The following MCOLN2 variants were observed in gnomAD, a reference collection of about 807,000 sequenced individuals.
MCOLN2 encodes the protein mucolipin-2.
Under a neutral mutation model 67.5 loss-of-function variants are expected in MCOLN2, and 57 were observed. That is an observed-to-expected ratio of 0.84 (90% CI 0.68 to 1.05). The LOEUF (loss-of-function observed/expected upper bound fraction) is 1.05, where lower values mean the gene tolerates loss of function less well. MCOLN2 is among the 50% of genes least tolerant of loss of function. MCOLN2 has a pLI of 0.00. For missense variants in MCOLN2, 620 were observed against 678.8 expected (o/e 0.91, Z 0.96); for synonymous variants, 246 against 233.3 (o/e 1.05, Z -0.50).
chr1:84,934,135 T>C (rs561149817), intron 11 of MCOLN2, among the ~76,000 whole-genome samples: 34 of 152,326 alleles, frequency 2.2e-4, no homozygotes, highest in African/African-American at 7.9e-4. Flanking sequence ...TACTACTCTC[T>C]CTCTGCTTCT....
intron 12 of MCOLN2, chr1:84,929,905 C>G: frequency 3.1e-6 from 1 of 318,304 alleles, no homozygotes; most frequent in South Asian, 8.4e-5. Flanking sequence ...AGAAAGAAAG[C>G]AGAGAAGAGC....
Position 84,970,918 on chromosome 1 carries a change from T to G in MCOLN2, c.78-5210A>C, listed in dbSNP as rs147939870. Reference sequence around the variant, plus strand: ...CTGGGTTCCTTTGACTGAGTGGCCATTAAGTGTTCAAGAAATGATAACTGA... The same window carrying G: ...CTGGGTTCCTTTGACTGAGTGGCCAGTAAGTGTTCAAGAAATGATAACTGA... On this transcript the variant is annotated intron_variant, in intron 1 of 13. Transcript: ENST00000370608. Among the ~76,000 whole-genome samples, 9 of 152,320 alleles carry G rather than the reference T, an allele frequency of 5.9e-5. No homozygotes were observed. In the East Asian group the frequency reaches 1.7e-3, roughly 29 times the overall value.
intron 2 of MCOLN2, among the ~76,000 whole-genome samples, chr1:84,964,912 CT>C (rs1362938946): frequency 6.6e-6 from 1 of 152,180 alleles, no homozygotes; most frequent in Admixed American, 6.6e-5. Context: ...TTGCCTACCA[CT>C]CACCTCCTGC....
At position 84,947,124 on chromosome 1, in the gene MCOLN2, A is replaced by G. The variant is rs1648156343; in HGVS notation, c.756T>C (p.Phe252=). Reference sequence around the variant, plus strand: ...TTTTGCCACTGTGAGCTTTATTGTCAAAGATAATCTGGAGACACAAATGTA... The same window carrying G: ...TTTTGCCACTGTGAGCTTTATTGTCGAAGATAATCTGGAGACACAAATGTA... The part of the protein sequence containing the change: ...DCYVFQNTII[F]DNKAHSGKIK... Residue 252 remains phenylalanine (F), a synonymous_variant, in exon 7 of 14, where the codon TTT becomes TTC. Coordinates refer to ENST00000370608, the MANE Select transcript of MCOLN2 (RefSeq NM_153259.4). 6 of 1,542,952 alleles carry G rather than the reference A, an allele frequency of 3.9e-6. No individual in the cohort carries two copies. The highest frequency in any genetic ancestry group is 5.4e-6 in the Non-Finnish European group (6 of 1,116,432).
rs1022479144 is a variant in MCOLN2, at chr1:84,965,627, A to C, written c.159T>G (p.Cys53Trp). 1.2e-6 allele frequency: 2 copies of C among 1,613,988 alleles called. No homozygotes were observed. The highest frequency in any genetic ancestry group is 2.7e-5 in the African/African-American group (2 of 74,926). The change falls in exon 2 of 14, where the codon TGT becomes TGG. Residue 53 changes from cysteine to tryptophan, a missense_variant. Transcript: ENST00000370608. The stretch of plus-strand genomic sequence containing the variant: ...TCTGGCGTCTGGCTCGGTATTTTTC[A>C]CAAGGGCTCATGAAGTAAAACTTCA... The part of the protein sequence containing the change: ...EDLKFYFMSP[C>W]EKYRARRQIP...
intron 4 of MCOLN2, among the ~76,000 whole-genome samples, chr1:84,954,920 T>C (rs1471000883): frequency 6.6e-6 from 1 of 152,172 alleles, no homozygotes; most frequent in Non-Finnish European, 1.5e-5. Flanking sequence ...GAAGATAAAG[T>C]GAACAAGAAT....
chr1:84,959,881 C>T (rs1055678636), intron 2 of MCOLN2, among the ~76,000 whole-genome samples: 7 of 152,100 alleles, frequency 4.6e-5, no homozygotes, highest in Admixed American at 3.3e-4. Flanking sequence ...ATACAAGATA[C>T]AATTCTGAAC....
At chr1:84,956,840 C>A (rs1648822439) in intron 3 of MCOLN2, among the ~76,000 whole-genome samples, 1 of 152,216 alleles carries the variant, frequency 6.6e-6, no homozygotes, top group Non-Finnish European at 1.5e-5. Context: ...TGCCTTATCT[C>A]TAGGACCTCA....
At chr1:84,992,065 T>C (rs1650911422) in intron 1 of MCOLN2, among the ~76,000 whole-genome samples, 1 of 152,226 alleles carries the variant, frequency 6.6e-6, no homozygotes, top group South Asian at 2.1e-4. Flanking sequence ...TACCTTAATT[T>C]TGGACAAGCC....
At chr1:84,983,652 T>A (rs1041975682) in intron 1 of MCOLN2, among the ~76,000 whole-genome samples, 3 of 151,762 alleles carry the variant, frequency 2.0e-5, no homozygotes, top group African/African-American at 7.3e-5. Context: ...TCTGTCTTTT[T>A]AAAAGTCATT....
At chr1:84,947,695 G>C (rs1298187812) in intron 6 of MCOLN2, among the ~76,000 whole-genome samples, 1 of 152,214 alleles carries the variant, frequency 6.6e-6, no homozygotes, top group African/African-American at 2.4e-5. Flanking sequence ...AGCACACATT[G>C]CGCACTCTTC....
At chr1:84,968,930 T>C (rs625045) in intron 1 of MCOLN2, among the ~76,000 whole-genome samples, 76,830 of 152,040 alleles carry the variant, frequency 0.51, 19,712 homozygotes, top group East Asian at 0.64. Flanking sequence ...GTTTCCCTCA[T>C]GCAGTCTATT....
chr1:84,980,571 G>T (rs1243852083), intron 1 of MCOLN2, among the ~76,000 whole-genome samples: 2 of 152,144 alleles, frequency 1.3e-5, no homozygotes, highest in Non-Finnish European at 2.9e-5. Flanking sequence ...AACATAAACT[G>T]GGGAAAAGGC....
rs376145717 is a variant in MCOLN2, at chr1:84,956,409, C to A, written c.565+22G>T. ...TTACCAGAAGACGATAAAGGTACAT[C>A]ATGAAATTATCACTGCATTACCGAG... is the stretch of plus-strand genomic sequence containing the variant. On this transcript the variant is annotated intron_variant, in intron 4 of 13. Transcript: ENST00000370608. The A allele has an allele frequency of 9.0e-5, 144 of 1,601,264 alleles. No individual in the cohort carries two copies. The South Asian group carries it at 1.6e-3, about 17-fold the overall frequency.
At chr1:84,929,932 TTAAAA>T (rs1661328997) in intron 12 of MCOLN2, 1 of 229,278 alleles carries the variant, frequency 4.4e-6, no homozygotes, top group South Asian at 9.5e-5. Context: ...GAGGTTTTTT[TTAAAA>T]AAAAAAAAGG....
chr1:84,976,084 A>T (rs2102872646), intron 1 of MCOLN2, among the ~76,000 whole-genome samples: 1 of 152,298 alleles, frequency 6.6e-6, no homozygotes, highest in South Asian at 2.1e-4. Flanking sequence ...TGCCTTAAGA[A>T]GGAGGAAGAA....
intron 1 of MCOLN2, among the ~76,000 whole-genome samples, chr1:84,996,456 G>A (rs997330238): frequency 7.0e-5 from 10 of 143,368 alleles, no homozygotes; most frequent in Admixed American, 2.1e-4. Flanking sequence ...AAACGGGGGA[G>A]CCAAGGTCTG....
intron 13 of MCOLN2, among the ~76,000 whole-genome samples, chr1:84,928,085 C>T (rs1367033801): frequency 1.3e-5 from 2 of 152,210 alleles, no homozygotes; most frequent in Non-Finnish European, 2.9e-5. Flanking sequence ...AGGCTTTGGT[C>T]TGATGATTCC....
chr1:84,953,345 T>C (rs541397064), intron 4 of MCOLN2, among the ~76,000 whole-genome samples: 25 of 151,860 alleles, frequency 1.6e-4, no homozygotes, highest in African/African-American at 1.7e-4. Flanking sequence ...AGGTTAGGAG[T>C]TCAAAACCAG....
Sources: allele counts gnomAD v4.1 joint callset (sites outside exome capture counted in the v4.1 genomes callset), GRCh38; gene constraint gnomAD v4.1.1; transcripts MANE v1.5; gene names NCBI Gene and HGNC (gene_info 2026-07-23, HGNC 2026-07-21).